The following SLFN12 variants were observed in gnomAD, a reference collection of about 807,000 sequenced individuals.
The protein encoded by SLFN12 is schlafen family member 12.
SLFN12 carries 25 observed loss-of-function variants against 29.1 expected under a neutral mutation model. The ratio of observed to expected loss-of-function variants is 0.86; its 90% confidence interval spans 0.63 to 1.20. The LOEUF is 1.20. Among genes scored for constraint, SLFN12 ranks in the 50% most tolerant of loss-of-function variants. The pLI, the probability that SLFN12 is intolerant of heterozygous loss-of-function variation, is 0.00. For missense variants in SLFN12, 660 were observed against 666.2 expected, an observed-to-expected ratio of 0.99 and a Z score of 0.10; for synonymous variants, 257 against 238.7, an observed-to-expected ratio of 1.08 and a Z score of -0.71.
At position 35,411,241 on chromosome 17, in the gene SLFN12, T is replaced by G; in HGVS notation, c.*97A>C. On this transcript the variant is annotated 3_prime_UTR_variant, in exon 4 of 4. Coordinates refer to ENST00000304905, the MANE Select transcript of SLFN12 (RefSeq NM_018042.5). The stretch of plus-strand genomic sequence containing the variant: ...ATTATCCAACATCACATTAAGTTGC[T>G]TAACTTGCAAAGTTTTCAAAGAAAT... 1.2e-5 allele frequency: 11 copies of G among 948,648 alleles called. No individual in the cohort carries two copies. Among genetic ancestry groups the G allele is most frequent in the Non-Finnish European group, 1.7e-5 (11 of 648,332 alleles). The allele number at this position is 948,648 out of a possible 1,614,324, so 58.8% of individuals were successfully genotyped here.
At chr17:35,430,104 G>A (rs1259814385) in intron 1 of SLFN12, among the ~76,000 whole-genome samples, 1 of 151,954 alleles carries the variant, frequency 6.6e-6, no homozygotes, top group Non-Finnish European at 1.5e-5. Flanking sequence ...GCCCATGCAG[G>A]AGCAAAAGTT....
At chr17:35,432,819 T>C (rs1396018959), upstream of SLFN12, 1 of 151,964 alleles carries the variant, frequency 6.6e-6, no homozygotes, top group African/African-American at 2.4e-5. Flanking sequence ...GTGTTACCAG[T>C]GCCCCACCTC....
intron 1 of SLFN12, among the ~76,000 whole-genome samples, chr17:35,426,008 T>C (rs1429412076): frequency 6.6e-6 from 1 of 151,760 alleles, no homozygotes; most frequent in Non-Finnish European, 1.5e-5. Context: ...GTGAGGTGAT[T>C]TCTCATTGTG....
chr17:35,427,202 G>GT (rs1397911589), intron 1 of SLFN12, among the ~76,000 whole-genome samples: 1 of 152,152 alleles, frequency 6.6e-6, no homozygotes, highest in Non-Finnish European at 1.5e-5. Context: ...GCAAGGGTGA[G>GT]TAAAAACACC....
chr17:35,424,573 T>C (rs1911893125), intron 1 of SLFN12, among the ~76,000 whole-genome samples: 1 of 152,152 alleles, frequency 6.6e-6, no homozygotes, highest in African/African-American at 2.4e-5. Flanking sequence ...ATAAAGTCCA[T>C]CATAGGTAGT....
At chr17:35,421,441 C>A (rs2142040328) in intron 2 of SLFN12, among the ~76,000 whole-genome samples, 1 of 151,252 alleles carries the variant, frequency 6.6e-6, no homozygotes, top group South Asian at 2.1e-4. Flanking sequence ...TGGGTTTTTG[C>A]ACCAGGTAGG....
At chr17:35,423,169 C>A in intron 1 of SLFN12, 101 bp from the exon 2 acceptor site, 4 of 1,311,926 alleles carry the variant, frequency 3.0e-6, no homozygotes, top group East Asian at 2.4e-5. Context: ...TGTATATATT[C>A]TACTAGACTG....
intron 3 of SLFN12, among the ~76,000 whole-genome samples, chr17:35,417,776 TG>T (rs1911398151): frequency 6.6e-6 from 1 of 152,098 alleles, no homozygotes; most frequent in African/African-American, 2.4e-5. Context: ...CCTAACAATG[TG>T]GCCTTATATA....
chr17:35,421,942 T>C, intron 2 of SLFN12, 48 bp downstream of exon 2: 3 of 1,582,202 alleles, frequency 1.9e-6, no homozygotes, highest in Non-Finnish European at 2.6e-6. Context: ...AAAACCTCCC[T>C]GCCACCCAAG....
chr17:35,420,632 A>G (rs1184005528), intron 2 of SLFN12: 3 of 308,958 alleles, frequency 9.7e-6, no homozygotes, highest in Admixed American at 4.8e-5. Flanking sequence ...ATACATTACC[A>G]TATAATTGGG....
chr17:35,412,364 C>T (rs903195651), intron 3 of SLFN12, among the ~76,000 whole-genome samples: 5 of 152,046 alleles, frequency 3.3e-5, no homozygotes, highest in Non-Finnish European at 5.9e-5. Context: ...AGGTCAGATG[C>T]TGGAAACACA....
At position 35,423,079 on chromosome 17, in the gene SLFN12, G is replaced by C; in HGVS notation, c.-40-11C>G. 6.5e-7 allele frequency: 1 copy of C among 1,546,916 alleles called. No individual in the cohort carries two copies. The highest frequency in any genetic ancestry group is 1.3e-5 in the South Asian group (1 of 78,616). ...AGCAGAAATTCTTTTCTGTAAAATA[G>C]ACAGAGCCATTAGAATAGGACCTGA... On this transcript the variant is annotated splice_polypyrimidine_tract_variant and intron_variant, in intron 1 of 3. Coordinates refer to ENST00000304905, the MANE Select transcript of SLFN12 (RefSeq NM_018042.5).
chr17:35,423,064 C>T lies in SLFN12; in HGVS notation c.-36G>A. The T allele has an allele frequency of 6.4e-7, 1 of 1,562,378 alleles. No homozygotes were observed. Among genetic ancestry groups the T allele is most frequent in the Non-Finnish European group, 8.6e-7 (1 of 1,157,720 alleles). On this transcript the variant is annotated 5_prime_UTR_variant, in exon 2 of 4. Coordinates refer to ENST00000304905, the MANE Select transcript of SLFN12 (RefSeq NM_018042.5). The stretch of plus-strand genomic sequence containing the variant: ...GCTATGCAGTGTCCAAGCAGAAATT[C>T]TTTTCTGTAAAATAGACAGAGCCAT...
intron 1 of SLFN12, chr17:35,430,541 T>C (rs1382475979): frequency 6.6e-6 from 1 of 152,126 alleles, no homozygotes; most frequent in Non-Finnish European, 1.5e-5. Context: ...CATATTTGTT[T>C]CACTTCTCAT....
In SLFN12 at chr17:35,411,305, GA is replaced by G; in HGVS notation, c.*32del. The G allele has an allele frequency of 7.3e-7, 1 of 1,365,654 alleles. No individual in the cohort carries two copies. 84.6% of individuals were successfully genotyped at this position (1,365,654 alleles called of 1,614,324 possible). On this transcript the variant is annotated 3_prime_UTR_variant, in exon 4 of 4. Coordinates refer to ENST00000304905, the MANE Select transcript of SLFN12 (RefSeq NM_018042.5). ...TAGAGAATGTTATCAAATATATAAT[GA>G]AAAATATCTCAGTAGCCCAGTCCAT... is the stretch of plus-strand genomic sequence containing the variant.
At chr17:35,431,786 T>C (rs906198942) in intron 1 of SLFN12, 1 of 152,148 alleles carries the variant, frequency 6.6e-6, no homozygotes, top group African/African-American at 2.4e-5. Context: ...TGAACTTTAA[T>C]GATATGAAAT....
chr17:35,415,265 AG>A (rs758459400), intron 3 of SLFN12, among the ~76,000 whole-genome samples: 7 of 152,272 alleles, frequency 4.6e-5, no homozygotes, highest in Non-Finnish European at 8.8e-5. Flanking sequence ...AAGTGGGGAA[AG>A]GACACCCCAT....
At chr17:35,423,977 T>TG (rs1302129668) in intron 1 of SLFN12, among the ~76,000 whole-genome samples, 4 of 152,240 alleles carry the variant, frequency 2.6e-5, no homozygotes, top group African/African-American at 7.2e-5. Context: ...TCCAGAACTG[T>TG]GAGTCATAAA....
chr17:35,429,117 C>T (rs1371871985), intron 1 of SLFN12, among the ~76,000 whole-genome samples: 1 of 152,100 alleles, frequency 6.6e-6, no homozygotes, highest in Non-Finnish European at 1.5e-5. Context: ...CTTAGCCCAC[C>T]TTTCTGCACT....
Sources: gnomAD v4.1 joint callset for allele counts (sites outside exome capture counted in the v4.1 genomes callset) on GRCh38, gnomAD v4.1.1 for gene constraint, MANE v1.5 for transcripts, NCBI Gene and HGNC (gene_info 2026-07-23, HGNC 2026-07-21) for gene names.